KHDRBS3: variants seen among roughly 807,000 people sequenced by gnomAD.
The protein encoded by KHDRBS3 is KH RNA binding domain containing, signal transduction associated 3, also known as KH domain-containing, RNA-binding, signal transduction-associated protein 3.
KHDRBS3 carries 23 observed loss-of-function variants against 45.6 expected under a neutral mutation model. The ratio of observed to expected loss-of-function variants is 0.50; its 90% CI spans 0.36 to 0.72. The LOEUF (loss-of-function observed/expected upper bound fraction) is 0.72, where lower values mean the gene tolerates loss of function less well. Among genes scored for constraint, KHDRBS3 ranks in the 30% least tolerant of loss-of-function variants. The pLI is 0.00. For missense variants in KHDRBS3, 352 were observed against 424.8 expected (o/e 0.83, Z 1.51); for synonymous variants, 162 against 156.5 (o/e 1.04, Z -0.26).
chr8:135,480,520 A>G (rs1402875355), intron 1 of KHDRBS3, among the ~76,000 whole-genome samples: 1 of 152,180 alleles, frequency 6.6e-6, no homozygotes, highest in Non-Finnish European at 1.5e-5. Flanking sequence ...ATAAGTTTCC[A>G]AGATTCTTGT....
chr8:135,548,732 A>G, intron 3 of KHDRBS3, 22 bp from the exon 4 acceptor site: 1 of 1,485,728 alleles, frequency 6.7e-7, no homozygotes, highest in Admixed American at 2.3e-5. Flanking sequence ...TTTAAATGTG[A>G]TTTCTTTTTT....
chr8:135,655,558 C>T (rs2131225799), intron 4 of KHDRBS3, among the ~76,000 whole-genome samples: 1 of 152,296 alleles, frequency 6.6e-6, no homozygotes, highest in Admixed American at 6.5e-5. Context: ...AGAGATGCAT[C>T]TGGAGACAGA....
intron 5 of KHDRBS3, among the ~76,000 whole-genome samples, chr8:135,560,705 A>G (rs372555894): frequency 6.6e-6 from 1 of 152,216 alleles, no homozygotes; most frequent in Non-Finnish European, 1.5e-5. Flanking sequence ...TGATTACAGC[A>G]TATGCATTGC....
intron 1 of KHDRBS3, among the ~76,000 whole-genome samples, chr8:135,501,084 G>C (rs1823712510): frequency 6.6e-6 from 1 of 152,136 alleles, no homozygotes; most frequent in African/African-American, 2.4e-5. Flanking sequence ...ATATTGAAAA[G>C]TGCCTCAACT....
intron 7 of KHDRBS3, among the ~76,000 whole-genome samples, chr8:135,612,292 C>A (rs1027213059): frequency 6.6e-6 from 1 of 151,846 alleles, no homozygotes; most frequent in Non-Finnish European, 1.5e-5. Flanking sequence ...GCTTTAAAAT[C>A]TCTTAGGAAT....
intron 5 of KHDRBS3, among the ~76,000 whole-genome samples, chr8:135,571,745 G>A (rs1289467764): frequency 6.6e-6 from 1 of 152,062 alleles, no homozygotes; most frequent in South Asian, 2.1e-4. Flanking sequence ...GATTAGAGTT[G>A]GGGGAACTCT....
chr8:135,579,104 G>T (rs1828082441), intron 5 of KHDRBS3, among the ~76,000 whole-genome samples: 1 of 152,052 alleles, frequency 6.6e-6, no homozygotes, highest in Admixed American at 6.5e-5. Context: ...GACTATTTTT[G>T]GGGATTTTTT....
At chr8:135,560,447 A>G (rs1827114973) in intron 5 of KHDRBS3, among the ~76,000 whole-genome samples, 2 of 152,290 alleles carry the variant, frequency 1.3e-5, no homozygotes, top group African/African-American at 4.8e-5. Flanking sequence ...CACAGAATGA[A>G]TATCCCCTCC....
At chr8:135,483,481 G>A (rs1350013285) in intron 1 of KHDRBS3, among the ~76,000 whole-genome samples, 1 of 152,144 alleles carries the variant, frequency 6.6e-6, no homozygotes, top group Non-Finnish European at 1.5e-5. Flanking sequence ...AAAATGGAGG[G>A]AATTTTCTGC....
chr8:135,515,388 A>AAAAAAAAAAAAAC (rs1563735746), intron 1 of KHDRBS3, among the ~76,000 whole-genome samples: 1 of 145,722 alleles, frequency 6.9e-6, no homozygotes, highest in Non-Finnish European at 1.5e-5. Context: ...AAAAAAAAAA[A>AAAAAAAAAAAAAC]AAAAAAAAAA....
chr8:135,579,227 A>G (rs1329750698), intron 5 of KHDRBS3, among the ~76,000 whole-genome samples: 1 of 152,174 alleles, frequency 6.6e-6, no homozygotes, highest in East Asian at 1.9e-4. Flanking sequence ...GACTTCTAGC[A>G]TAGTGTTGAA....
At chr8:135,604,976 C>T (rs896688069) in intron 6 of KHDRBS3, among the ~76,000 whole-genome samples, 7 of 150,044 alleles carry the variant, frequency 4.7e-5, no homozygotes, top group African/African-American at 1.5e-4. Context: ...TGTCTTCTGG[C>T]CTTTATAGTT....
chr8:135,528,695 T>G (rs1825315851), intron 2 of KHDRBS3, among the ~76,000 whole-genome samples: 1 of 152,236 alleles, frequency 6.6e-6, no homozygotes, highest in Non-Finnish European at 1.5e-5. Flanking sequence ...GAAATTTATT[T>G]CTTACATTTC....
chr8:135,581,962 A>G lies in KHDRBS3; in HGVS notation c.696A>G (p.Arg232=), dbSNP rs768418521. ...TPTPRGVLST[R]GPVSRGRGLL... ...CTCCCAGAGGAGTCCTGTCCACCCG[A>G]GGGCCAGTGAGTCGGGGAAGAGGAC... is the stretch of plus-strand genomic sequence containing the variant. The change falls in exon 6 of 9, where the codon CGA becomes CGG. Residue 232 remains arginine, a synonymous_variant. Transcript: ENST00000355849. 3.1e-6 allele frequency: 5 copies of G among 1,613,628 alleles called. No homozygotes were observed. The South Asian group carries it at 5.5e-5, about 18-fold the overall frequency.
At chr8:135,606,592 G>A (rs1829473837) in intron 6 of KHDRBS3, among the ~76,000 whole-genome samples, 1 of 152,090 alleles carries the variant, frequency 6.6e-6, no homozygotes, top group African/African-American at 2.4e-5. Flanking sequence ...TTCCTTCAGA[G>A]CTGGGGAGTG....
In KHDRBS3 at chr8:135,545,357, C is replaced by T. The variant is rs181749169; in HGVS notation, c.324+2587C>T. On this transcript the variant is annotated intron_variant, in intron 3 of 8. Coordinates refer to ENST00000355849, the MANE Select transcript of KHDRBS3 (RefSeq NM_006558.3). ...GTAAGCAACATGGGAAAAACATCAC[C>T]AGGCAGGCTTTTGCCGTGTGGAAGG... Among the ~76,000 whole-genome samples, 7 of 152,298 alleles carry T rather than the reference C, an allele frequency of 4.6e-5. No individual in the cohort carries two copies. In the East Asian group the frequency reaches 1.2e-3, roughly 25 times the overall value.
chr8:135,573,903 C>G (rs560510133), intron 5 of KHDRBS3, among the ~76,000 whole-genome samples: 56 of 152,262 alleles, frequency 3.7e-4, no homozygotes, highest in African/African-American at 1.3e-3. Flanking sequence ...AATCTGCTTT[C>G]AAAACTCTAT....
At chr8:135,603,854 C>T (rs186505200) in intron 6 of KHDRBS3, among the ~76,000 whole-genome samples, 5 of 152,194 alleles carry the variant, frequency 3.3e-5, no homozygotes, top group African/African-American at 9.6e-5. Flanking sequence ...GTTTCATGCG[C>T]AGTGGAGAAG....
At chr8:135,548,115 C>T (rs1056622881) in intron 3 of KHDRBS3, among the ~76,000 whole-genome samples, 13 of 152,034 alleles carry the variant, frequency 8.6e-5, no homozygotes, top group Admixed American at 2.0e-4. Context: ...AATATGCGAA[C>T]GAGCAAATTG....
Sources: gnomAD v4.1 joint callset for allele counts (sites outside exome capture counted in the v4.1 genomes callset) on GRCh38, gnomAD v4.1.1 for gene constraint, MANE v1.5 for transcripts, NCBI Gene and HGNC (gene_info 2026-07-23, HGNC 2026-07-21) for gene names.